Variants in ZBTB7C observed in about 807,000 individuals in gnomAD.
ZBTB7C encodes zinc finger and BTB domain-containing protein 7C.
ZBTB7C carries 8 observed loss-of-function variants against 25.7 expected under a neutral mutation model. The ratio of observed to expected loss-of-function variants is 0.31; its 90% CI spans 0.18 to 0.56. The LOEUF (loss-of-function observed/expected upper bound fraction) is 0.56, where lower values mean the gene tolerates loss of function less well. Ranked by LOEUF, ZBTB7C falls within the 20% of genes least tolerant of loss-of-function variation. The pLI, the probability that ZBTB7C is intolerant of heterozygous loss-of-function variation, is 0.91. For synonymous variants in ZBTB7C, 394 were observed against 369.0 expected, an observed-to-expected ratio of 1.07 and a Z score of -0.78; for missense variants, 824 against 855.2, an observed-to-expected ratio of 0.96 and a Z score of 0.46.
chr18:48,047,584 C>T (rs1432306106), intron 3 of ZBTB7C, among the ~76,000 whole-genome samples: 1 of 152,144 alleles, frequency 6.6e-6, no homozygotes, highest in Admixed American at 6.5e-5. Flanking sequence ...TCCCCTGGGC[C>T]TCTGCCTTCA....
rs992704887 is a variant in ZBTB7C at position 48,137,189 on chromosome 18, C to T, written c.-17+48745G>A. 66 of 985,560 alleles carry T rather than the reference C, an allele frequency of 6.7e-5. No individual in the cohort carries two copies. The Admixed American group carries it at 2.0e-3, about 29-fold the overall frequency. The allele number at this position is 985,560 out of a possible 1,614,324, so 61.1% of individuals were successfully genotyped here. A position where few individuals can be genotyped will look rare whatever the true frequency, so the allele number is the denominator to read the frequency against. ...AGGAGTGGTTTTGAGAGAGCACTCCCTCCCCACCCTCCAACCAGAAGTATT... is the reference window on the plus strand; with the variant it reads ...AGGAGTGGTTTTGAGAGAGCACTCCTTCCCCACCCTCCAACCAGAAGTATT... On this transcript the variant is annotated intron_variant, in intron 3 of 4. Coordinates refer to ENST00000590800, the MANE Select transcript of ZBTB7C (RefSeq NM_001318841.2).
At chr18:48,291,551 C>T (rs902107220) in intron 2 of ZBTB7C, among the ~76,000 whole-genome samples, 5 of 152,142 alleles carry the variant, frequency 3.3e-5, no homozygotes, top group Non-Finnish European at 7.3e-5. Flanking sequence ...GCGTATCCAC[C>T]GGGACAGGCA....
chr18:48,290,658 A>G (rs957606375), intron 2 of ZBTB7C, among the ~76,000 whole-genome samples: 1 of 152,190 alleles, frequency 6.6e-6, no homozygotes, highest in South Asian at 2.1e-4. Flanking sequence ...ACCATTAGTC[A>G]GCTCTGTGCC....
Position 48,029,756 on chromosome 18 carries a change from T to C in ZBTB7C, c.1364A>G (p.Lys455Arg). The C allele has an allele frequency of 6.2e-7, 1 of 1,608,376 alleles. No homozygotes were observed. Among genetic ancestry groups the C allele is most frequent in the Non-Finnish European group, 8.5e-7 (1 of 1,179,978 alleles). Reference sequence around the variant, plus strand: ...CAGGTGGTCAGAGCGCGTGAAGCTCTTGTAGCAGAACTCGCACTGGTAGGG... The same window carrying C: ...CAGGTGGTCAGAGCGCGTGAAGCTCCTGTAGCAGAACTCGCACTGGTAGGG... ...VRPYQCEFCY[K>R]SFTRSDHLHR... Residue 455 changes from lysine to arginine, a missense_variant, in exon 5 of 5, where the codon AAG becomes AGG. By Grantham distance (26) the Lys-to-Arg change is conservative. Around this residue, in one of 4 missense-constraint regions of ZBTB7C, gnomAD observed 342 missense variants for 307.0 expected, o/e 1.11. Coordinates refer to ENST00000590800, the MANE Select transcript of ZBTB7C (RefSeq NM_001318841.2).
chr18:48,183,068 T>C (rs1224863014), intron 3 of ZBTB7C, among the ~76,000 whole-genome samples: 2 of 152,352 alleles, frequency 1.3e-5, no homozygotes, highest in East Asian at 1.9e-4. Context: ...ATTGTTTATA[T>C]AGTAACTCTA....
intron 3 of ZBTB7C, among the ~76,000 whole-genome samples, chr18:48,180,796 C>G (rs891932894): frequency 6.6e-6 from 1 of 152,186 alleles, no homozygotes; most frequent in Admixed American, 6.5e-5. Context: ...CCTCCTAGAA[C>G]ATCACAAAGA....
intron 2 of ZBTB7C, among the ~76,000 whole-genome samples, chr18:48,305,167 A>G (rs2045642313): frequency 6.6e-6 from 1 of 152,212 alleles, no homozygotes. Context: ...TTCCCTGTCA[A>G]ACCTCAAATT....
At chr18:48,119,938 G>C (rs533431706) in intron 3 of ZBTB7C, among the ~76,000 whole-genome samples, 1 of 152,192 alleles carries the variant, frequency 6.6e-6, no homozygotes, top group African/African-American at 2.4e-5. Context: ...GCATGAGGTT[G>C]AAGGGATAAG....
At position 48,365,200 on chromosome 18, in the gene ZBTB7C, C is replaced by G. The variant is rs75924695; in HGVS notation, c.-303-26802G>C. 2.6e-3 allele frequency among the ~76,000 whole-genome samples: 389 copies of G among 152,318 alleles called. 2 individuals carry two copies. The highest frequency in any genetic ancestry group is 8.7e-3 in the African/African-American group (361 of 41,572). ...GTTTTCAATCTTTTACTGTTTCAAA[C>G]AGTTCTGCAGGGATTACACTGGTGC... On this transcript the variant is annotated intron_variant, in intron 1 of 4. Coordinates refer to ENST00000590800, the MANE Select transcript of ZBTB7C (RefSeq NM_001318841.2).
At chr18:48,118,176 T>G (rs2039509924) in intron 3 of ZBTB7C, among the ~76,000 whole-genome samples, 1 of 151,946 alleles carries the variant, frequency 6.6e-6, no homozygotes, top group African/African-American at 2.4e-5. Flanking sequence ...TGGCTAATTT[T>G]TGTATTTTTA....
At chr18:48,396,282 AGATTAGGAGAT>A (rs758356856) in intron 1 of ZBTB7C, among the ~76,000 whole-genome samples, 27 of 152,214 alleles carry the variant, frequency 1.8e-4, no homozygotes, top group Non-Finnish European at 2.9e-4. Flanking sequence ...GAAATTATCC[AGATTAGGAGAT>A]GATTTGCAAA....
At chr18:48,132,150 G>A (rs1007301048) in intron 3 of ZBTB7C, among the ~76,000 whole-genome samples, 3 of 152,208 alleles carry the variant, frequency 2.0e-5, no homozygotes, top group Non-Finnish European at 4.4e-5. Flanking sequence ...TATCCATCAC[G>A]GGTAAATGGA....
intron 1 of ZBTB7C, among the ~76,000 whole-genome samples, chr18:48,390,812 C>T (rs1465545059): frequency 1.3e-5 from 2 of 152,206 alleles, no homozygotes; most frequent in Admixed American, 6.5e-5. Context: ...GAGCCTGGTC[C>T]CCGTGGCGGC....
chr18:48,100,968 C>T (rs1436820733), intron 3 of ZBTB7C, among the ~76,000 whole-genome samples: 1 of 152,078 alleles, frequency 6.6e-6, no homozygotes, highest in Non-Finnish European at 1.5e-5. Flanking sequence ...AGGTTGTAGG[C>T]TGTTCTGGGC....
intron 3 of ZBTB7C, among the ~76,000 whole-genome samples, chr18:48,046,682 G>A (rs983630699): frequency 1.3e-5 from 2 of 152,168 alleles, no homozygotes; most frequent in Non-Finnish European, 2.9e-5. Flanking sequence ...ATAACCATCC[G>A]AGCACTCTGA....
At chr18:48,173,918 C>A (rs2041583383) in intron 3 of ZBTB7C, among the ~76,000 whole-genome samples, 1 of 152,232 alleles carries the variant, frequency 6.6e-6, no homozygotes, top group Admixed American at 6.5e-5. Context: ...CTAAAATCAA[C>A]AGGGCTTGCT....
At chr18:48,079,677 C>T (rs1473780213) in intron 3 of ZBTB7C, among the ~76,000 whole-genome samples, 5 of 152,276 alleles carry the variant, frequency 3.3e-5, no homozygotes, top group Admixed American at 6.5e-5. Flanking sequence ...CCCTCCAGAC[C>T]CATACTCTTA....
chr18:48,176,228 A>G (rs1193972132), intron 3 of ZBTB7C, among the ~76,000 whole-genome samples: 2 of 152,246 alleles, frequency 1.3e-5, no homozygotes, highest in Non-Finnish European at 2.9e-5. Context: ...CTGGATTCTA[A>G]TCAAGAGGAA....
rs576150696 is a variant in ZBTB7C at position 48,348,450 on chromosome 18, G to A, written c.-303-10052C>T. On this transcript the variant is annotated intron_variant, in intron 1 of 4. Coordinates refer to ENST00000590800, the MANE Select transcript of ZBTB7C (RefSeq NM_001318841.2). ...CTGCCACACTTCCCTGCAGTCCACA[G>A]TTCCCCACTAGGGCAAGGACCATGA... Among the ~76,000 whole-genome samples, 28 of 152,278 alleles carry A rather than the reference G, an allele frequency of 1.8e-4. 1 individual carries two copies. The South Asian group carries it at 5.6e-3, about 30-fold the overall frequency.
Sources: allele counts gnomAD v4.1 joint callset (sites outside exome capture counted in the v4.1 genomes callset), GRCh38; gene constraint gnomAD v4.1.1; regional missense constraint gnomAD v4.1.1; transcripts MANE v1.5; gene names NCBI Gene and HGNC (gene_info 2026-07-23, HGNC 2026-07-21).